The following TERF2 variants were observed in gnomAD, a reference collection of about 807,000 sequenced individuals.
The protein encoded by TERF2 is telomeric repeat binding factor 2.
TERF2 carries 16 observed loss-of-function variants against 56.1 expected under a neutral mutation model. That is an observed-to-expected ratio of 0.29 (90% CI 0.19 to 0.43). The LOEUF (loss-of-function observed/expected upper bound fraction) is 0.43. TERF2 is among the 20% of genes least tolerant of loss of function. The pLI, the probability that TERF2 is intolerant of heterozygous loss-of-function variation, is 1.00. For missense variants in TERF2, 547 were observed against 712.9 expected, an observed-to-expected ratio of 0.77 and a Z score of 2.65; for synonymous variants, 296 against 282.1, an observed-to-expected ratio of 1.05 and a Z score of -0.50.
intron 3 of TERF2, among the ~76,000 whole-genome samples, chr16:69,381,987 T>C (rs2014017321): frequency 6.6e-6 from 1 of 152,226 alleles, no homozygotes; most frequent in Admixed American, 6.5e-5. Context: ...CAGTGAAGAA[T>C]ACAATGACTA....
chr16:69,378,761 T>C (rs1001655452), intron 3 of TERF2, among the ~76,000 whole-genome samples: 12 of 152,196 alleles, frequency 7.9e-5, no homozygotes, highest in Non-Finnish European at 1.5e-4. Context: ...AGACTTATAA[T>C]TACATTAAGA....
intron 3 of TERF2, among the ~76,000 whole-genome samples, chr16:69,380,713 T>C (rs1017333558): frequency 1.3e-5 from 2 of 151,960 alleles, no homozygotes; most frequent in African/African-American, 4.8e-5. Context: ...CTTTCATCCA[T>C]GGATGACTTC....
intron 7 of TERF2, chr16:69,366,482 T>G (rs2013348297): frequency 3.4e-6 from 1 of 296,202 alleles, no homozygotes; most frequent in Non-Finnish European, 6.3e-6. Context: ...GCAAACAAAT[T>G]TCTTTTAACA....
chr16:69,373,827 C>A (rs1206663383), intron 3 of TERF2, among the ~76,000 whole-genome samples: 1 of 152,106 alleles, frequency 6.6e-6, no homozygotes, highest in Non-Finnish European at 1.5e-5. Flanking sequence ...AGCGATACCC[C>A]GTCTCAAAAC....
chr16:69,385,961 C>T lies in TERF2; in HGVS notation c.11G>A (p.Gly4Glu). The T allele has an allele frequency of 1.5e-6, 2 of 1,358,056 alleles. No homozygotes were observed. The highest frequency in any genetic ancestry group is 1.9e-6 in the Non-Finnish European group (2 of 1,055,508). 84.1% of individuals were successfully genotyped at this position (1,358,056 alleles called of 1,614,324 possible). The stretch of plus-strand genomic sequence containing the variant: ...GGAAGCGGGGCCCGCCGTCCCGGCT[C>T]CCGCGGCCATGATAGAAACAGCGTT... MAA[G>E]AGTAGPASGP... The change falls in exon 1 of 10, where the codon GGA (glycine) becomes GAA (glutamate). Residue 4 changes from glycine to glutamate, a missense_variant. Gly to Glu is a moderately conservative substitution (Grantham distance 98). This residue lies in a region of TERF2 where 85 missense variants were observed against 59.5 expected (regional missense o/e 1.43). Coordinates refer to ENST00000254942, the MANE Select transcript of TERF2 (RefSeq NM_005652.5).
At chr16:69,377,500 G>C (rs1436037976) in intron 3 of TERF2, among the ~76,000 whole-genome samples, 2 of 152,006 alleles carry the variant, frequency 1.3e-5, no homozygotes, top group Non-Finnish European at 2.9e-5. Flanking sequence ...GCTAATTTTT[G>C]TATTTTTAGT....
At chr16:69,369,098 G>T (rs1301605796) in intron 5 of TERF2, among the ~76,000 whole-genome samples, 1 of 75,532 alleles carries the variant, frequency 1.3e-5, no homozygotes, top group East Asian at 2.3e-4. Context: ...AGAGCCCTGA[G>T]TAGGCTAATC....
At chr16:69,367,277 T>C in intron 6 of TERF2, 78 bp from the exon 7 acceptor site, 1 of 1,470,818 alleles carries the variant, frequency 6.8e-7, no homozygotes, top group Non-Finnish European at 9.1e-7. Flanking sequence ...TTTTTTGAAG[T>C]TTGAAGCTTC....
intron 8 of TERF2, among the ~76,000 whole-genome samples, chr16:69,360,889 A>G (rs1261821753): frequency 6.6e-6 from 1 of 152,120 alleles, no homozygotes; most frequent in Non-Finnish European, 1.5e-5. Flanking sequence ...CTCTTTAAAC[A>G]TAAGGCGTTA....
intron 3 of TERF2, among the ~76,000 whole-genome samples, chr16:69,380,359 C>G (rs1488210353): frequency 1.3e-5 from 2 of 152,026 alleles, no homozygotes; most frequent in African/African-American, 4.8e-5. Flanking sequence ...CTTAATCTGT[C>G]ACATTAAAAT....
intron 3 of TERF2, among the ~76,000 whole-genome samples, chr16:69,373,640 T>C (rs984536912): frequency 1.3e-5 from 2 of 152,102 alleles, no homozygotes; most frequent in Admixed American, 6.6e-5. Flanking sequence ...GAGACCAGCC[T>C]GGGGAACATA....
At chr16:69,362,632 A>G (rs2142714776) in intron 7 of TERF2, among the ~76,000 whole-genome samples, 1 of 152,348 alleles carries the variant, frequency 6.6e-6, no homozygotes, top group Admixed American at 6.5e-5. Context: ...TGTGGCTAAA[A>G]AAAGTACAAA....
At chr16:69,381,840 T>C (rs958371244) in intron 3 of TERF2, among the ~76,000 whole-genome samples, 1 of 152,202 alleles carries the variant, frequency 6.6e-6, no homozygotes, top group Admixed American at 6.5e-5. Context: ...GCTCTAGAGT[T>C]AATAAAATTC....
chr16:69,385,846 C>T lies in TERF2; in HGVS notation c.126G>A (p.Thr42=). The T allele has an allele frequency of 1.5e-6, 2 of 1,364,548 alleles. No homozygotes were observed. The highest frequency in any genetic ancestry group is 3.1e-5 in the East Asian group (1 of 31,952). 84.5% of individuals were successfully genotyped at this position (1,364,548 alleles called of 1,614,324 possible). A position where few individuals can be genotyped will look rare whatever the true frequency, so the allele number is the denominator to read the frequency against. ...EGGEGARRSD[T]MAGGGGSSDG... is the part of the protein sequence containing the mutation. ...CGCTACTCCCGCCTCCTCCCGCCAT[C>T]GTGTCCGATCGCCGCGCGCCCTCCC... The change falls in exon 1 of 10, where the codon ACG becomes ACA. Residue 42 remains threonine (T), a synonymous_variant. Coordinates refer to ENST00000254942, the MANE Select transcript of TERF2 (RefSeq NM_005652.5).
At position 69,355,647 on chromosome 16, in the gene TERF2, A is replaced by G. The variant is rs1019415294; in HGVS notation, c.*1251T>C. ...CTCACCTTTTAAAAAAAGATTACAGAAAACACTTTACTGAAATTTTTTGCT... is the reference window on the plus strand; with the variant it reads ...CTCACCTTTTAAAAAAAGATTACAGGAAACACTTTACTGAAATTTTTTGCT... On this transcript the variant is annotated 3_prime_UTR_variant, in exon 10 of 10. Transcript: ENST00000254942. The G allele has an allele frequency of 1.3e-5, 2 of 152,704 alleles. No homozygotes were observed. The highest frequency in any genetic ancestry group is 2.9e-5 in the Non-Finnish European group (2 of 68,118). 9.5% of individuals were successfully genotyped at this position (152,704 alleles called of 1,614,324 possible).
intron 3 of TERF2, among the ~76,000 whole-genome samples, chr16:69,375,140 T>C (rs557263700): frequency 2.0e-5 from 3 of 152,306 alleles, no homozygotes; most frequent in South Asian, 2.1e-4. Context: ...GCATGTACTA[T>C]AGTTTATACA....
rs542472647 is a variant in TERF2, at chr16:69,384,518, C to T, written c.606+62G>A. 192 of 1,566,706 alleles carry T rather than the reference C, an allele frequency of 1.2e-4. No individual in the cohort carries two copies. The African/African-American group carries it at 1.5e-3, about 12-fold the overall frequency. On this transcript the variant is annotated intron_variant, in intron 3 of 9. Transcript: ENST00000254942. Reference sequence around the variant, plus strand: ...TGCCCCACACAGTAAAGAGTAAGTGCTGTATCCTCAAAGACCCTTGATTTT... The same window carrying T: ...TGCCCCACACAGTAAAGAGTAAGTGTTGTATCCTCAAAGACCCTTGATTTT...
chr16:69,379,916 T>C (rs1468017742), intron 3 of TERF2, among the ~76,000 whole-genome samples: 1 of 152,000 alleles, frequency 6.6e-6, no homozygotes, highest in South Asian at 2.1e-4. Context: ...TTTGGTAGAG[T>C]GGGGTTTTTT....
chr16:69,380,266 TGGA>T (rs1297379484), intron 3 of TERF2, among the ~76,000 whole-genome samples: 20 of 152,060 alleles, frequency 1.3e-4, no homozygotes, highest in South Asian at 1.2e-3. Flanking sequence ...AAGCTGAAAA[TGGA>T]GGAGTATTTT....
Sources: allele counts gnomAD v4.1 joint callset (sites outside exome capture counted in the v4.1 genomes callset), GRCh38; gene constraint gnomAD v4.1.1; regional missense constraint gnomAD v4.1.1; transcripts MANE v1.5; gene names NCBI Gene and HGNC (gene_info 2026-07-23, HGNC 2026-07-21).